The following PCDHGA1 variants were observed in gnomAD, a reference collection of about 807,000 sequenced individuals.
The protein encoded by PCDHGA1 is protocadherin gamma-A1.
Under a neutral mutation model 58.0 loss-of-function variants are expected in PCDHGA1, and 32 were observed. The observed-to-expected ratio is 0.55, with a 90% confidence interval of 0.42 to 0.74. PCDHGA1 has a LOEUF of 0.74. Ranked by LOEUF, PCDHGA1 falls within the 30% of genes least tolerant of loss-of-function variation. The probability of loss-of-function intolerance (pLI) is 0.00; values close to 1 mark genes in which losing one functional copy is unlikely to be tolerated. For missense variants in PCDHGA1, 1,205 were observed against 1,182.3 expected (o/e 1.02, Z -0.28); for synonymous variants, 498 against 501.1 (o/e 0.99, Z 0.08).
At chr5:141,498,220 G>T (rs1562182972) in intron 2 of PCDHGA1, among the ~76,000 whole-genome samples, 1 of 152,222 alleles carries the variant, frequency 6.6e-6, no homozygotes, top group Non-Finnish European at 1.5e-5. Flanking sequence ...GAGCATTCCA[G>T]ATGGTCAGGC....
At chr5:141,404,129 A>C in intron 1 of PCDHGA1, 2 of 1,613,162 alleles carry the variant, frequency 1.2e-6, no homozygotes, top group Non-Finnish European at 1.7e-6. Context: ...TCTATCTTTT[A>C]CATTAGAAAA....
chr5:141,498,578 G>T (rs1404493166), intron 2 of PCDHGA1, among the ~76,000 whole-genome samples: 1 of 152,048 alleles, frequency 6.6e-6, no homozygotes, highest in African/African-American at 2.4e-5. Flanking sequence ...CTAGTATTGA[G>T]TTCTTCAGTA....
chr5:141,453,111 G>A (rs1040339344), intron 1 of PCDHGA1, among the ~76,000 whole-genome samples: 5 of 151,718 alleles, frequency 3.3e-5, no homozygotes, highest in Non-Finnish European at 5.9e-5. Flanking sequence ...TTTTTGTTTT[G>A]TTTTGTTTTG....
chr5:141,333,206 T>C (rs374976399), intron 1 of PCDHGA1, 101 bp downstream of exon 1: 45 of 1,528,314 alleles, frequency 2.9e-5, no homozygotes, highest in Non-Finnish European at 3.9e-5. Context: ...TTCTAACCCA[T>C]GTATCTTTGT....
chr5:141,357,342 C>T (rs1760561177), intron 1 of PCDHGA1: 1 of 1,614,144 alleles, frequency 6.2e-7, no homozygotes, highest in Non-Finnish European at 8.5e-7. Context: ...TGCTAGCACT[C>T]AAGCTGAGAC....
chr5:141,482,530 CAAAAA>C (rs3074545), intron 1 of PCDHGA1, among the ~76,000 whole-genome samples: 1 of 76,558 alleles, frequency 1.3e-5, no homozygotes, highest in African/African-American at 4.8e-5. Context: ...GACAGACATG[CAAAAA>C]AAAAAAAAAA....
Position 141,333,124 on chromosome 5 carries a change from T to C in PCDHGA1, c.2421+19T>C. The stretch of plus-strand genomic sequence containing the variant: ...TTCTCAGGTAAACTTTTGTGATGAA[T>C]GTATCAGCTATCTAGAGAAAAATAA... On this transcript the variant is annotated intron_variant, in intron 1 of 3. Transcript: ENST00000517417. The C allele has an allele frequency of 1.2e-6, 2 of 1,614,144 alleles. No homozygotes were observed. The highest frequency in any genetic ancestry group is 1.7e-6 in the Non-Finnish European group (2 of 1,179,994).
chr5:141,379,975 C>T (rs2150153765), intron 1 of PCDHGA1, among the ~76,000 whole-genome samples: 1 of 132,632 alleles, frequency 7.5e-6, no homozygotes, highest in South Asian at 2.6e-4. Flanking sequence ...TCTCTGCTCA[C>T]TGCAACTTCC....
chr5:141,392,713 G>A, intron 1 of PCDHGA1: 3 of 1,363,444 alleles, frequency 2.2e-6, no homozygotes, highest in Non-Finnish European at 2.9e-6. Context: ...AGGCACTCCA[G>A]GTTTCCGGAG....
intron 1 of PCDHGA1, among the ~76,000 whole-genome samples, chr5:141,434,703 G>C (rs1198306104): frequency 6.6e-6 from 1 of 151,730 alleles, no homozygotes; most frequent in Non-Finnish European, 1.5e-5. Context: ...TAAATATGTG[G>C]GTAAATCTCT....
chr5:141,502,884 A>T (rs2099816871), intron 2 of PCDHGA1, among the ~76,000 whole-genome samples: 1 of 36,804 alleles, frequency 2.7e-5, no homozygotes, highest in African/African-American at 3.5e-4. Context: ...TTTTTTTGAC[A>T]GGGAGTCTAG....
Position 141,418,145 on chromosome 5 carries a change from T to C in PCDHGA1, c.2422-76662T>C, listed in dbSNP as rs1329322927. On this transcript the variant is annotated intron_variant, in intron 1 of 3. Coordinates refer to ENST00000517417, the MANE Select transcript of PCDHGA1 (RefSeq NM_018912.3). ...GGACCGAATAGACCGTGAGCAAATATGCAAAGAGAGAAGAAGATGTGAGTT... is the reference window on the plus strand; with the variant it reads ...GGACCGAATAGACCGTGAGCAAATACGCAAAGAGAGAAGAAGATGTGAGTT... The C allele has an allele frequency of 5.6e-6, 9 of 1,613,934 alleles. No homozygotes were observed. In the African/African-American group the frequency reaches 8.0e-5, roughly 14 times the overall value.
intron 1 of PCDHGA1, among the ~76,000 whole-genome samples, chr5:141,335,696 A>G (rs1394219448): frequency 6.6e-6 from 1 of 152,192 alleles, no homozygotes; most frequent in Non-Finnish European, 1.5e-5. Context: ...CAAGCAGACA[A>G]TCTACAAGTT....
chr5:141,378,684 A>AT (rs1775094609), intron 1 of PCDHGA1: 1 of 152,256 alleles, frequency 6.6e-6, no homozygotes, highest in East Asian at 1.9e-4. Flanking sequence ...ATATTTTAGC[A>AT]TTTTAACCCA....
chr5:141,432,386 A>C lies in PCDHGA1; in HGVS notation c.2422-62421A>C. 1 of 1,614,204 alleles carries C rather than the reference A, an allele frequency of 6.2e-7. No homozygotes were observed. Among genetic ancestry groups the C allele is most frequent in the Non-Finnish European group, 8.5e-7 (1 of 1,180,032 alleles). ...GCGGGACAACGGGCACCCGCCCCTC[A>C]GCAGCAACGTGTCGTTGAGCCTGTT... On this transcript the variant is annotated intron_variant, in intron 1 of 3. Transcript: ENST00000517417. This position sits in a 1 kb window ranked among gnomAD's most constrained non-coding sequence, Gnocchi z 6.0.
Position 141,487,540 on chromosome 5 carries a change from G to T in PCDHGA1, c.2422-7267G>T, listed in dbSNP as rs1319372340. The T allele has an allele frequency of 1.2e-6, 2 of 1,614,208 alleles. No homozygotes were observed. Among genetic ancestry groups the T allele is most frequent in the Admixed American group, 3.3e-5 (2 of 60,034 alleles). ...GGAGTGATAGCTTCATGATGGTGAA[G>T]TCACCCAGTGCACCTATGGCAGGGG... is the stretch of plus-strand genomic sequence containing the variant. On this transcript the variant is annotated intron_variant, in intron 1 of 3. Transcript: ENST00000517417. This position sits in a 1 kb window ranked among gnomAD's most constrained non-coding sequence, Gnocchi z 5.0.
rs1412247634 is a variant in PCDHGA1, at chr5:141,391,586, A to AAT, written c.2421+58485_2421+58486dup. 2.0e-5 allele frequency: 3 copies of AAT among 152,352 alleles called. No homozygotes were observed. In the South Asian group the frequency reaches 6.2e-4, roughly 32 times the overall value. The allele number at this position is 152,352 out of a possible 1,614,324, so 9.4% of individuals were successfully genotyped here. ...GCATAAGAAAATATATTCACAGGAA[A>AAT]ATATAAAGTTTTCAGATTTCATGAG... On this transcript the variant is annotated intron_variant, in intron 1 of 3. Coordinates refer to ENST00000517417, the MANE Select transcript of PCDHGA1 (RefSeq NM_018912.3).
chr5:141,480,225 G>A (rs1217912404), intron 1 of PCDHGA1, among the ~76,000 whole-genome samples: 1 of 147,152 alleles, frequency 6.8e-6, no homozygotes, highest in East Asian at 2.0e-4. Flanking sequence ...GCGACATAGT[G>A]AGATCCTGTC....
intron 1 of PCDHGA1, among the ~76,000 whole-genome samples, chr5:141,456,101 G>A (rs1231843666): frequency 6.6e-6 from 1 of 151,970 alleles, no homozygotes; most frequent in African/African-American, 2.4e-5. Context: ...ATTTCACCGT[G>A]TTAGCCAGGA....
Sources: allele counts gnomAD v4.1 joint callset (sites outside exome capture counted in the v4.1 genomes callset), GRCh38; gene constraint gnomAD v4.1.1; non-coding constraint Gnocchi (gnomAD v3.1); transcripts MANE v1.5; gene names NCBI Gene and HGNC (gene_info 2026-07-23, HGNC 2026-07-21).